The following MED12L variants were observed in gnomAD, a reference collection of about 807,000 sequenced individuals.
The protein encoded by MED12L is mediator of RNA polymerase II transcription subunit 12-like protein.
MED12L carries 60 observed loss-of-function variants against 281.3 expected under a neutral mutation model. The observed-to-expected ratio is 0.21, with a 90% CI of 0.17 to 0.26. MED12L has a LOEUF of 0.26. Ranked by LOEUF, MED12L falls within the 10% of genes least tolerant of loss-of-function variation. MED12L has a pLI of 1.00. For missense variants in MED12L, 2,146 were observed against 2,680.9 expected (o/e 0.80, Z 4.41); for synonymous variants, 974 against 987.2 (o/e 0.99, Z 0.25).
intron 16 of MED12L, chr3:151,219,622 A>C (rs1728925388): frequency 6.6e-6 from 1 of 152,208 alleles, no homozygotes; most frequent in South Asian, 2.1e-4. Flanking sequence ...AAGTGGCCCA[A>C]GTGTTTTTTC....
rs397686351 is a variant in MED12L, at chr3:151,218,866, C to CAA, written c.2250+25230_2250+25231dup. Among the ~76,000 whole-genome samples the CAA allele has an allele frequency of 5.6e-3, 402 of 71,364 alleles. 9 individuals carry two copies. The highest frequency in any genetic ancestry group is 7.3e-3 in the Non-Finnish European group (263 of 35,800). The allele number at this position is 71,364 out of a possible 152,430, so 46.8% of individuals were successfully genotyped here. On this transcript the variant is annotated intron_variant, in intron 16 of 44. Coordinates refer to ENST00000687756, the MANE Select transcript of MED12L (RefSeq NM_001393769.1). Reference sequence around the variant, plus strand: ...TGGGTGACAGAGCAAGACTCAGTCTCAAAAAAAAAAAAAAAAAAAAAAAAA... The same window carrying CAA: ...TGGGTGACAGAGCAAGACTCAGTCTCAAAAAAAAAAAAAAAAAAAAAAAAAAA...
intron 16 of MED12L, among the ~76,000 whole-genome samples, chr3:151,298,056 G>A (rs900944689): frequency 6.6e-6 from 1 of 152,116 alleles, no homozygotes; most frequent in Non-Finnish European, 1.5e-5. Context: ...GGTTGCTCTG[G>A]AAGGCTCAAA....
At chr3:151,191,928 A>G (rs1724038365) in intron 14 of MED12L, among the ~76,000 whole-genome samples, 1 of 152,242 alleles carries the variant, frequency 6.6e-6, no homozygotes, top group African/African-American at 2.4e-5. Context: ...AAAAAAAAAA[A>G]AACACCTCAC....
chr3:151,352,784 G>A (rs1753396758), intron 17 of MED12L, among the ~76,000 whole-genome samples: 2 of 152,066 alleles, frequency 1.3e-5, no homozygotes, highest in Admixed American at 6.5e-5. Flanking sequence ...TGTCAATGGT[G>A]TATCTTTTGA....
chr3:151,419,146 G>T (rs145950463), intron 43 of MED12L, among the ~76,000 whole-genome samples: 15 of 152,298 alleles, frequency 9.8e-5, no homozygotes, highest in African/African-American at 3.6e-4. Flanking sequence ...GTACAAAATG[G>T]TGATTTTTCT....
rs991943593 is a variant in MED12L, at chr3:151,384,930, A to G, written c.4927-100A>G. 3 of 750,838 alleles carry G rather than the reference A, an allele frequency of 4.0e-6. No individual in the cohort carries two copies. The African/African-American group carries it at 5.3e-5, about 13-fold the overall frequency. The allele number at this position is 750,838 out of a possible 1,614,324, so 46.5% of individuals were successfully genotyped here. ...AAAGAACATGCGCTAAGCTATAAAAAGGGAAATGTTTCATAGGGGAACTTC... is the reference window on the plus strand; with the variant it reads ...AAAGAACATGCGCTAAGCTATAAAAGGGGAAATGTTTCATAGGGGAACTTC... On this transcript the variant is annotated intron_variant, in intron 35 of 44. Transcript: ENST00000687756.
Position 151,086,907 on chromosome 3 carries a change from G to C in MED12L, c.-20G>C. 6.4e-7 allele frequency: 1 copy of C among 1,563,392 alleles called. No individual in the cohort carries two copies. The highest frequency in any genetic ancestry group is 8.7e-7 in the Non-Finnish European group (1 of 1,153,892). On this transcript the variant is annotated 5_prime_UTR_variant, in exon 2 of 45. Coordinates refer to ENST00000687756, the MANE Select transcript of MED12L (RefSeq NM_001393769.1). The stretch of plus-strand genomic sequence containing the variant: ...TCCAGCTCCAACTCTCATTCATTTC[G>C]CCGGTTAACATGAGAGATCATGGCC...
At chr3:151,358,402 G>T (rs936744322) in intron 20 of MED12L, among the ~76,000 whole-genome samples, 2 of 152,064 alleles carry the variant, frequency 1.3e-5, no homozygotes, top group Non-Finnish European at 2.9e-5. Context: ...TTGGTGAAGT[G>T]ATGTACCCTA....
At chr3:151,198,342 GT>G (rs11431846) in intron 16 of MED12L, 33,274 of 672,530 alleles carry the variant, frequency 0.049, 10 homozygotes, top group Non-Finnish European at 0.054. Context: ...GTTTTTTTTT[GT>G]TTTTTTTTTT....
At chr3:151,155,438 T>C (rs1719146211) in intron 5 of MED12L, among the ~76,000 whole-genome samples, 1 of 152,206 alleles carries the variant, frequency 6.6e-6, no homozygotes, top group African/African-American at 2.4e-5. Flanking sequence ...TCCCACTGTT[T>C]GTTGCTCCCC....
intron 20 of MED12L, among the ~76,000 whole-genome samples, chr3:151,360,099 G>A (rs1754425695): frequency 6.6e-6 from 1 of 152,132 alleles, no homozygotes; most frequent in African/African-American, 2.4e-5. Flanking sequence ...GAAAACTTGG[G>A]AATCTTTGCA....
chr3:151,294,333 A>T, intron 16 of MED12L: 1 of 1,614,158 alleles, frequency 6.2e-7, no homozygotes, highest in Non-Finnish European at 8.5e-7. Context: ...CAAACATTAC[A>T]CGCAGACAAG....
At chr3:151,393,018 A>G (rs1040629699) in intron 38 of MED12L, among the ~76,000 whole-genome samples, 1 of 152,364 alleles carries the variant, frequency 6.6e-6, no homozygotes, top group East Asian at 1.9e-4. Flanking sequence ...TTACCCAGCC[A>G]TGTGTTACTT....
At chr3:151,349,455 A>G (rs1329181611) in intron 16 of MED12L, among the ~76,000 whole-genome samples, 3 of 152,140 alleles carry the variant, frequency 2.0e-5, no homozygotes, top group Non-Finnish European at 2.9e-5. Context: ...TAAATGGAAT[A>G]TATATAGTTT....
At chr3:151,175,335 C>G (rs1721915218) in intron 11 of MED12L, among the ~76,000 whole-genome samples, 2 of 152,152 alleles carry the variant, frequency 1.3e-5, no homozygotes, top group African/African-American at 2.4e-5. Context: ...TGATTGATTT[C>G]ATTTATAAAC....
At chr3:151,188,569 T>A in intron 13 of MED12L, 89 bp downstream of exon 13, 1 of 1,329,182 alleles carries the variant, frequency 7.5e-7, no homozygotes, top group Non-Finnish European at 1.0e-6. Flanking sequence ...TAGATCTTAT[T>A]TAATATTCTT....
chr3:151,225,888 G>A (rs1182159959), intron 16 of MED12L, among the ~76,000 whole-genome samples: 1 of 152,110 alleles, frequency 6.6e-6, no homozygotes, highest in African/African-American at 2.4e-5. Flanking sequence ...TGCAGTTTTT[G>A]ATATCATTGA....
intron 5 of MED12L, among the ~76,000 whole-genome samples, chr3:151,148,221 A>G (rs912703712): frequency 6.6e-6 from 1 of 152,058 alleles, no homozygotes; most frequent in African/African-American, 2.4e-5. Context: ...TTTATTATTG[A>G]GTTTAATAGT....
rs193243157 is a variant in MED12L at position 151,279,630 on chromosome 3, A to G, written c.2251-70429A>G. Among the ~76,000 whole-genome samples the G allele has an allele frequency of 1.4e-3, 219 of 152,308 alleles. 2 individuals carry two copies. The highest frequency in any genetic ancestry group is 4.6e-3 in the African/African-American group (192 of 41,574). On this transcript the variant is annotated intron_variant, in intron 16 of 44. Transcript: ENST00000687756. ...ATGCTTTGATTGAGGGGCTAAGAATACTGATGTGCATAGAGAGGCTTGTTA... is the reference window on the plus strand; with the variant it reads ...ATGCTTTGATTGAGGGGCTAAGAATGCTGATGTGCATAGAGAGGCTTGTTA...
Sources: allele counts gnomAD v4.1 joint callset (sites outside exome capture counted in the v4.1 genomes callset), GRCh38; gene constraint gnomAD v4.1.1; transcripts MANE v1.5; gene names NCBI Gene and HGNC (gene_info 2026-07-23, HGNC 2026-07-21).